Variants in RAD51AP1 observed in about 807,000 individuals in gnomAD.
The protein encoded by RAD51AP1 is RAD51-associated protein 1.
Under a neutral mutation model 34.3 loss-of-function variants are expected in RAD51AP1, and 14 were observed. That is an observed-to-expected ratio of 0.41 (90% CI 0.27 to 0.64). The LOEUF (loss-of-function observed/expected upper bound fraction) is 0.64. Ranked by LOEUF, RAD51AP1 falls within the 30% of genes least tolerant of loss-of-function variation. The pLI is 0.33. For missense variants in RAD51AP1, 348 were observed against 386.9 expected (o/e 0.90, Z 0.84); for synonymous variants, 114 against 129.8 (o/e 0.88, Z 0.83).
chr12:4,554,835 G>T (rs1944571062), intron 7 of RAD51AP1, among the ~76,000 whole-genome samples: 1 of 152,162 alleles, frequency 6.6e-6, no homozygotes, highest in Admixed American at 6.5e-5. Flanking sequence ...TGAGAGCTAT[G>T]CTGTCCAATA....
Position 4,553,071 on chromosome 12 carries a change from T to C in RAD51AP1, c.645T>C (p.Ile215=). The C allele has an allele frequency of 6.2e-7, 1 of 1,606,024 alleles. No homozygotes were observed. ...TGAGAAAAAGTAAAGTTAAAGAAATTAAAAAGAAAGAAGTGAAGGTAAAAT... is the reference window on the plus strand; with the variant it reads ...TGAGAAAAAGTAAAGTTAAAGAAATCAAAAAGAAAGAAGTGAAGGTAAAAT... The part of the protein sequence containing the change: ...FSMRKSKVKE[I]KKKEVKVKSP... Residue 215 remains isoleucine, a synonymous_variant, in exon 7 of 9, where the codon ATT becomes ATC. Transcript: ENST00000352618.
At chr12:4,550,059 A>G (rs1302805046) in intron 6 of RAD51AP1, among the ~76,000 whole-genome samples, 2 of 152,230 alleles carry the variant, frequency 1.3e-5, no homozygotes, top group African/African-American at 4.8e-5. Flanking sequence ...AGAAAATTGC[A>G]GAGAAGATAA....
chr12:4,557,861 C>T (rs985581939), intron 8 of RAD51AP1, among the ~76,000 whole-genome samples: 4 of 152,108 alleles, frequency 2.6e-5, no homozygotes, highest in African/African-American at 7.2e-5. Context: ...TCAGCTCCAT[C>T]GTATTGTTTC....
intron 8 of RAD51AP1, 109 bp downstream of exon 8, chr12:4,556,611 TCTTCAAAA>T (rs1820383252): frequency 7.7e-7 from 1 of 1,297,198 alleles, no homozygotes; most frequent in Admixed American, 2.5e-5. Context: ...TATTACATAT[TCTTCAAAA>T]CCAAAGTTCC....
chr12:4,542,944 A>G (rs1031660225), intron 2 of RAD51AP1, among the ~76,000 whole-genome samples: 6 of 152,238 alleles, frequency 3.9e-5, no homozygotes, highest in Non-Finnish European at 5.9e-5. Flanking sequence ...TCATTATGGT[A>G]ATGGAAAGAG....
chr12:4,543,671 C>A, intron 2 of RAD51AP1, 92 bp from the exon 3 acceptor site: 1 of 776,332 alleles, frequency 1.3e-6, no homozygotes, highest in Non-Finnish European at 1.9e-6. Flanking sequence ...AACAATTTGC[C>A]TAGCCTATAA....
intron 6 of RAD51AP1, among the ~76,000 whole-genome samples, chr12:4,550,705 T>A (rs1565526183): frequency 6.6e-6 from 1 of 152,268 alleles, no homozygotes; most frequent in East Asian, 1.9e-4. Flanking sequence ...AGTGGCACGA[T>A]CTTGGCTGAC....
At chr12:4,543,650 T>C in intron 2 of RAD51AP1, 113 bp from the exon 3 acceptor site, 2 of 645,096 alleles carry the variant, frequency 3.1e-6, no homozygotes, top group South Asian at 6.6e-5. Flanking sequence ...ATTTTTAAAT[T>C]GTGGAAATTA....
At position 4,559,924 on chromosome 12, in the gene RAD51AP1, A is replaced by T. The variant is rs927874482; in HGVS notation, c.*931A>T. 2.0e-5 allele frequency: 3 copies of T among 152,188 alleles called. No homozygotes were observed. The highest frequency in any genetic ancestry group is 7.2e-5 in the African/African-American group (3 of 41,456). 9.4% of individuals were successfully genotyped at this position (152,188 alleles called of 1,614,324 possible). ...GCTTCTGATCAATTTTTAATAAAAA[A>T]TTTTCAAATCATGTTAGCTGTTAAA... On this transcript the variant is annotated 3_prime_UTR_variant, in exon 9 of 9. Coordinates refer to ENST00000352618, the MANE Select transcript of RAD51AP1 (RefSeq NM_006479.5).
At chr12:4,545,890 A>T (rs1944502665) in intron 3 of RAD51AP1, 25 of 1,563,302 alleles carry the variant, frequency 1.6e-5, no homozygotes, top group Non-Finnish European at 2.2e-5. Flanking sequence ...GATGTAAAAA[A>T]ATGATAATAA....
Position 4,538,901 on chromosome 12 carries a change from G to A in RAD51AP1, c.-39G>A. On this transcript the variant is annotated 5_prime_UTR_variant, in exon 1 of 9. Coordinates refer to ENST00000352618, the MANE Select transcript of RAD51AP1 (RefSeq NM_006479.5). The stretch of plus-strand genomic sequence containing the variant: ...TTGAAACCGCCGCTGAAGCCAACAA[G>A]AATTTGAGAACTGTAAATACCAAGC... The A allele has an allele frequency of 1.2e-6, 2 of 1,612,408 alleles. No individual in the cohort carries two copies. The highest frequency in any genetic ancestry group is 1.7e-6 in the Non-Finnish European group (2 of 1,178,686).
At chr12:4,545,661 C>A in intron 3 of RAD51AP1, 1 of 904,816 alleles carries the variant, frequency 1.1e-6, no homozygotes, top group Non-Finnish European at 1.7e-6. Context: ...CTGTCTTTGA[C>A]GTTTTCTTCC....
At chr12:4,550,827 A>G (rs1440123069) in intron 6 of RAD51AP1, among the ~76,000 whole-genome samples, 1 of 152,160 alleles carries the variant, frequency 6.6e-6, no homozygotes, top group South Asian at 2.1e-4. Flanking sequence ...TTTAGTAGAG[A>G]TGGAGTTTCA....
chr12:4,539,164 C>T (rs1346509334), intron 1 of RAD51AP1, among the ~76,000 whole-genome samples: 1 of 152,210 alleles, frequency 6.6e-6, no homozygotes, highest in African/African-American at 2.4e-5. Flanking sequence ...CCTCCCTTCA[C>T]AACCGTCGCC....
chr12:4,546,380 C>A lies in RAD51AP1; in HGVS notation c.281C>A (p.Pro94Gln). ...VALALSVKELPTVTTNVQNSQ... is the reference protein window; with the variant it reads ...VALALSVKELQTVTTNVQNSQ... ...CTAGCTTTATCAGTGAAGGAACTTC[C>A]AACAGTCACCACTAATGTGCAGAAC... Residue 94 changes from proline (P) to glutamine (Q), a missense_variant, in exon 4 of 9, where the codon CCA becomes CAA. Coordinates refer to ENST00000352618, the MANE Select transcript of RAD51AP1 (RefSeq NM_006479.5). 1 of 1,612,668 alleles carries A rather than the reference C, an allele frequency of 6.2e-7. No individual in the cohort carries two copies. The highest frequency in any genetic ancestry group is 1.3e-5 in the African/African-American group (1 of 74,960).
chr12:4,557,387 T>C (rs1049882495), intron 8 of RAD51AP1, among the ~76,000 whole-genome samples: 1 of 152,224 alleles, frequency 6.6e-6, no homozygotes, highest in African/African-American at 2.4e-5. Flanking sequence ...TGAGGCTGCA[T>C]GATTACTTAA....
intron 7 of RAD51AP1, among the ~76,000 whole-genome samples, chr12:4,555,529 G>C (rs1284738685): frequency 7.5e-6 from 1 of 132,460 alleles, no homozygotes; most frequent in Non-Finnish European, 1.7e-5. Context: ...CTTGTACATG[G>C]TCTGCAAAGC....
At chr12:4,552,868 A>T in intron 6 of RAD51AP1, 115 bp from the exon 7 acceptor site, 2 of 943,300 alleles carry the variant, frequency 2.1e-6, no homozygotes, top group Non-Finnish European at 3.0e-6. Context: ...GTGTTCTGCT[A>T]CTGGAAACAG....
At chr12:4,547,205 C>G (rs780975559) in intron 4 of RAD51AP1, among the ~76,000 whole-genome samples, 1 of 151,958 alleles carries the variant, frequency 6.6e-6, no homozygotes, top group African/African-American at 2.4e-5. Flanking sequence ...GTAGCCGGGA[C>G]TACAGGCATG....
Sources: allele counts gnomAD v4.1 joint callset (sites outside exome capture counted in the v4.1 genomes callset), GRCh38; gene constraint gnomAD v4.1.1; transcripts MANE v1.5; gene names NCBI Gene and HGNC (gene_info 2026-07-23, HGNC 2026-07-21).